PDE4B: variants seen among roughly 807,000 people sequenced by gnomAD.
The protein encoded by PDE4B is phosphodiesterase 4B, also known as 3',5'-cyclic-AMP phosphodiesterase 4B.
PDE4B carries 20 observed loss-of-function variants against 82.2 expected under a neutral mutation model. That is an observed-to-expected ratio of 0.24 (90% confidence interval 0.17 to 0.35). The LOEUF is 0.35. Among genes scored for constraint, PDE4B ranks in the 10% least tolerant of loss-of-function variants. The pLI, the probability that PDE4B is intolerant of heterozygous loss-of-function variation, is 1.00. For missense variants in PDE4B, 655 were observed against 907.2 expected, an observed-to-expected ratio of 0.72 and a Z score of 3.57; for synonymous variants, 320 against 318.9, an observed-to-expected ratio of 1.00 and a Z score of -0.04.
chr1:65,905,475 G>T (rs752637507), intron 1 of PDE4B, among the ~76,000 whole-genome samples: 2 of 152,002 alleles, frequency 1.3e-5, no homozygotes, highest in African/African-American at 2.4e-5. Flanking sequence ...GGAAGTTGAG[G>T]TTTAAAAGTC....
intron 3 of PDE4B, among the ~76,000 whole-genome samples, chr1:66,074,617 T>C (rs192417716): frequency 1.3e-5 from 2 of 152,240 alleles, no homozygotes; most frequent in East Asian, 1.9e-4. Flanking sequence ...TCTGTACCCA[T>C]TGAACCAGTT....
chr1:66,211,597 A>C (rs1046441502), intron 3 of PDE4B, among the ~76,000 whole-genome samples: 7 of 152,210 alleles, frequency 4.6e-5, no homozygotes, highest in Non-Finnish European at 8.8e-5. Flanking sequence ...AGTTCTATGC[A>C]TGCATCATCT....
intron 3 of PDE4B, among the ~76,000 whole-genome samples, chr1:65,957,445 T>C (rs935609901): frequency 6.6e-6 from 1 of 152,244 alleles, no homozygotes; most frequent in Admixed American, 6.5e-5. Flanking sequence ...TGTGTGTCTG[T>C]CCCTGAGCCT....
chr1:65,841,918 A>G (rs1439281337), intron 1 of PDE4B, among the ~76,000 whole-genome samples: 1 of 152,174 alleles, frequency 6.6e-6, no homozygotes, highest in Non-Finnish European at 1.5e-5. Context: ...ATTGATAATT[A>G]TTATCTATTC....
intron 7 of PDE4B, among the ~76,000 whole-genome samples, chr1:66,329,824 A>G (rs1281137492): frequency 6.6e-6 from 1 of 152,126 alleles, no homozygotes; most frequent in Admixed American, 6.6e-5. Flanking sequence ...CATGATTCTC[A>G]CTCCAAATCT....
intron 3 of PDE4B, among the ~76,000 whole-genome samples, chr1:65,963,238 CA>C (rs1335006866): frequency 6.6e-6 from 1 of 152,144 alleles, no homozygotes; most frequent in African/African-American, 2.4e-5. Context: ...CTTGCAACTC[CA>C]AAAGCACCGA....
intron 3 of PDE4B, among the ~76,000 whole-genome samples, chr1:65,971,868 G>A (rs997573617): frequency 6.6e-6 from 1 of 152,132 alleles, no homozygotes; most frequent in Non-Finnish European, 1.5e-5. Context: ...TCATTTGAAA[G>A]ATTTTCAGAA....
chr1:66,114,915 G>C (rs2455017), intron 3 of PDE4B, among the ~76,000 whole-genome samples: 151,863 of 152,292 alleles, frequency 1, 75,719 homozygotes, highest in Middle Eastern at 1. Flanking sequence ...GGATTACAGG[G>C]GTGAGCCACC....
At chr1:66,060,808 A>C (rs1048951471) in intron 3 of PDE4B, among the ~76,000 whole-genome samples, 1 of 152,016 alleles carries the variant, frequency 6.6e-6, no homozygotes, top group African/African-American at 2.4e-5. Context: ...CCATGTTTGG[A>C]TTCTTAAATA....
At chr1:66,234,275 A>G (rs1652222519) in intron 3 of PDE4B, among the ~76,000 whole-genome samples, 1 of 152,094 alleles carries the variant, frequency 6.6e-6, no homozygotes, top group Non-Finnish European at 1.5e-5. Flanking sequence ...GAAGTTGTCA[A>G]ATGTACTGGC....
Position 66,365,586 on chromosome 1 carries a change from G to A in PDE4B, c.1285-81G>A, listed in dbSNP as rs1356227741. 17 of 709,606 alleles carry A rather than the reference G, an allele frequency of 2.4e-5. No homozygotes were observed. The East Asian group carries it at 4.2e-4, about 17-fold the overall frequency. The allele number at this position is 709,606 out of a possible 1,614,324, so 44.0% of individuals were successfully genotyped here. A position where few individuals can be genotyped will look rare whatever the true frequency, so the allele number is the denominator to read the frequency against. On this transcript the variant is annotated intron_variant, in intron 12 of 16. Transcript: ENST00000341517. ...CAATCCCTCTCCCAACAAGAATAAA[G>A]TAGGATACTTTACAAATGAAACTGA...
At chr1:66,257,428 A>G (rs1654321314) in intron 4 of PDE4B, 1 of 747,512 alleles carries the variant, frequency 1.3e-6, no homozygotes, top group Non-Finnish European at 2.5e-6. Context: ...ATGTGTAGTC[A>G]CTGTAAATTC....
intron 1 of PDE4B, among the ~76,000 whole-genome samples, chr1:65,829,411 T>G (rs765104455): frequency 5.3e-5 from 8 of 152,164 alleles, no homozygotes; most frequent in Admixed American, 1.3e-4. Flanking sequence ...GCAAAAATCG[T>G]TAAGGATATA....
Position 66,150,643 on chromosome 1 carries a change from A to G in PDE4B, c.282-96817A>G, listed in dbSNP as rs72667492. 3.1e-3 allele frequency among the ~76,000 whole-genome samples: 469 copies of G among 152,272 alleles called. 1 individual carries two copies. The highest frequency in any genetic ancestry group is 6.0e-3 in the Non-Finnish European group (406 of 68,008). On this transcript the variant is annotated intron_variant, in intron 3 of 16. Coordinates refer to ENST00000341517, the MANE Select transcript of PDE4B (RefSeq NM_002600.4). ...TATAGGGGAAAGCACCCAGTCTTTC[A>G]CTGTTAAATATGATAGTGGCTGTGG...
intron 7 of PDE4B, among the ~76,000 whole-genome samples, chr1:66,305,334 A>T (rs192013270): frequency 6.6e-6 from 1 of 152,292 alleles, no homozygotes; most frequent in East Asian, 1.9e-4. Context: ...AATGTTGGAG[A>T]AGCAAGACTC....
chr1:66,324,101 A>C (rs1304580072), intron 7 of PDE4B, among the ~76,000 whole-genome samples: 1 of 152,198 alleles, frequency 6.6e-6, no homozygotes, highest in East Asian at 1.9e-4. Context: ...AGGACATTAA[A>C]AGAGTGGGAG....
At position 66,013,557 on chromosome 1, in the gene PDE4B, C is replaced by A. The variant is rs182739344; in HGVS notation, c.281+94722C>A. Among the ~76,000 whole-genome samples the A allele has an allele frequency of 3.9e-5, 6 of 152,136 alleles. 1 individual carries two copies. The East Asian group carries it at 1.2e-3, about 29-fold the overall frequency. ...TACAGTTCAGTAGTGTTACGTAATTCACATTCTTGTGCAACCAGCCTCCAG... is the reference window on the plus strand; with the variant it reads ...TACAGTTCAGTAGTGTTACGTAATTAACATTCTTGTGCAACCAGCCTCCAG... On this transcript the variant is annotated intron_variant, in intron 3 of 16. Coordinates refer to ENST00000341517, the MANE Select transcript of PDE4B (RefSeq NM_002600.4).
chr1:65,924,076 A>ATTTTTTTTTTTTTTT (rs1647357789), intron 3 of PDE4B, among the ~76,000 whole-genome samples: 1 of 14,620 alleles, frequency 6.8e-5, no homozygotes, highest in Non-Finnish European at 5.4e-4. Flanking sequence ...CCAGTTTGCT[A>ATTTTTTTTTTTTTTT]ATTTTTTTTT....
At chr1:65,978,110 G>A (rs1006039540) in intron 3 of PDE4B, among the ~76,000 whole-genome samples, 9 of 142,426 alleles carry the variant, frequency 6.3e-5, no homozygotes, top group East Asian at 6.1e-4. Flanking sequence ...TCACTGCAAC[G>A]TCCGCCTCCC....
Sources: gnomAD v4.1 joint callset for allele counts (sites outside exome capture counted in the v4.1 genomes callset) on GRCh38, gnomAD v4.1.1 for gene constraint, MANE v1.5 for transcripts, NCBI Gene and HGNC (gene_info 2026-07-23, HGNC 2026-07-21) for gene names.